C6orf132: variants seen among roughly 807,000 people sequenced by gnomAD.
The protein encoded by C6orf132 is chromosome 6 open reading frame 132.
Under a neutral mutation model 65.3 loss-of-function variants are expected in C6orf132, and 43 were observed. The ratio of observed to expected loss-of-function variants is 0.66; its 90% CI spans 0.52 to 0.85. The LOEUF (loss-of-function observed/expected upper bound fraction) is 0.85, where lower values mean the gene tolerates loss of function less well. Ranked by LOEUF, C6orf132 falls within the 40% of genes least tolerant of loss-of-function variation. The pLI is 0.00. For synonymous variants in C6orf132, 631 were observed against 654.1 expected, an observed-to-expected ratio of 0.96 and a Z score of 0.54; for missense variants, 1,488 against 1,548.8, an observed-to-expected ratio of 0.96 and a Z score of 0.66.
chr6:42,110,413 C>T (rs1018672343), intron 2 of C6orf132, 122 bp from the exon 3 acceptor site: 2 of 687,148 alleles, frequency 2.9e-6, no homozygotes, highest in African/African-American at 1.8e-5. Flanking sequence ...GTTGCATAAC[C>T]TTGTGCATAT....
chr6:42,119,510 C>T (rs1766646137), intron 2 of C6orf132, among the ~76,000 whole-genome samples: 1 of 151,246 alleles, frequency 6.6e-6, no homozygotes, highest in African/African-American at 2.4e-5. Flanking sequence ...ACACCTGGCT[C>T]ATTTTTTTGT....
In C6orf132 at chr6:42,124,629, G is replaced by C. The variant is rs767785778; in HGVS notation, c.252+4043C>G. On this transcript the variant is annotated intron_variant, in intron 2 of 4. Transcript: ENST00000341865. This position sits in a 1 kb window ranked among gnomAD's most constrained non-coding sequence, Gnocchi z 4.0. ...ACAGTGTCAGGCAGGGCTAGGCACC[G>C]GCCCAGCTCCCCACCCACCCTGACT... 6.6e-6 allele frequency among the ~76,000 whole-genome samples: 1 copy of C among 152,290 alleles called. No homozygotes were observed. Among genetic ancestry groups the C allele is most frequent in the South Asian group, 2.1e-4 (1 of 4,828 alleles).
Position 42,123,255 on chromosome 6 carries a change from C to T in C6orf132, c.252+5417G>A, listed in dbSNP as rs1364238470. Among the ~76,000 whole-genome samples, 6 of 151,998 alleles carry T rather than the reference C, an allele frequency of 3.9e-5. No individual in the cohort carries two copies. In the South Asian group the frequency reaches 1.0e-3, roughly 26 times the overall value. On this transcript the variant is annotated intron_variant, in intron 2 of 4. Coordinates refer to ENST00000341865, the MANE Select transcript of C6orf132 (RefSeq NM_001164446.3). ...AAAATTAGCCGGGCGTGGTGGCAGA[C>T]GCCTGTAGTCTCAGCTACTCGGGAG...
intron 1 of C6orf132, among the ~76,000 whole-genome samples, chr6:42,132,254 A>G (rs1183095576): frequency 6.6e-6 from 1 of 152,154 alleles, no homozygotes; most frequent in Non-Finnish European, 1.5e-5. Flanking sequence ...GGGGGCTCAC[A>G]CCTGTAATCC....
At chr6:42,108,769 G>T (rs888376280) in intron 3 of C6orf132, among the ~76,000 whole-genome samples, 5 of 152,114 alleles carry the variant, frequency 3.3e-5, no homozygotes, top group African/African-American at 1.2e-4. Flanking sequence ...CTCTCCCAGA[G>T]TCTACTTCCT....
At chr6:42,139,195 C>T (rs992348049) in intron 1 of C6orf132, among the ~76,000 whole-genome samples, 11 of 152,196 alleles carry the variant, frequency 7.2e-5, no homozygotes, top group African/African-American at 2.7e-4. Flanking sequence ...TGGATATCGC[C>T]AGCATCTCAC....
Position 42,142,343 on chromosome 6 carries a change from C to G in C6orf132, c.102G>C (p.Trp34Cys). Reference protein sequence around the residue: ...STSLYATNPPWIFTQEAPEEG... With the variant: ...STSLYATNPPCIFTQEAPEEG... ...CCTCCGGGGCCTCCTGGGTGAAGAT[C>G]CAGGGCGGATTGGTGGCGTAGAGGG... is the stretch of plus-strand genomic sequence containing the variant. Residue 34 changes from tryptophan (W) to cysteine (C), a missense_variant, in exon 1 of 5, where the codon TGG (tryptophan) becomes TGC (cysteine). Coordinates refer to ENST00000341865, the MANE Select transcript of C6orf132 (RefSeq NM_001164446.3). 2 of 1,551,422 alleles carry G rather than the reference C, an allele frequency of 1.3e-6. No homozygotes were observed. Among genetic ancestry groups the G allele is most frequent in the Non-Finnish European group, 1.7e-6 (2 of 1,146,856 alleles).
Position 42,107,018 on chromosome 6 carries a change from G to A in C6orf132, c.894C>T (p.Phe298=), listed in dbSNP as rs1472069562. 6 of 1,532,760 alleles carry A rather than the reference G, an allele frequency of 3.9e-6. No homozygotes were observed. The highest frequency in any genetic ancestry group is 1.2e-5 in the South Asian group (1 of 83,736). 94.9% of individuals were successfully genotyped at this position (1,532,760 alleles called of 1,614,324 possible). The change falls in exon 4 of 5, where the codon TTC becomes TTT. Residue 298 remains phenylalanine, a synonymous_variant. Coordinates refer to ENST00000341865, the MANE Select transcript of C6orf132 (RefSeq NM_001164446.3). Reference sequence around the variant, plus strand: ...GGGGAGGCACTTTGAAAGAACGGGGGAAGGTGAGATGGGGCTCTGGGTTAG... The same window carrying A: ...GGGGAGGCACTTTGAAAGAACGGGGAAAGGTGAGATGGGGCTCTGGGTTAG... ...LGPNPEPHLT[F]PRSFKVPPPT... is the part of the protein sequence containing the mutation.
chr6:42,106,322 CTT>C lies in C6orf132; in HGVS notation c.1588_1589del (p.Lys530GlufsTer39). The C allele has an allele frequency of 6.5e-7, 1 of 1,536,724 alleles. No individual in the cohort carries two copies. On this transcript the variant is annotated frameshift_variant, in exon 4 of 5. Transcript: ENST00000341865. LOFTEE classifies it high-confidence loss of function. ...CTGTCAGGCTGCTGCCGCCAAGACTCTTTTCAGGAACACCTGGGGGAGTGTCC... is the reference window on the plus strand; with the variant it reads ...CTGTCAGGCTGCTGCCGCCAAGACTCTTCAGGAACACCTGGGGGAGTGTCC... ...AKDTPPGVPEKSLGGSSLTET... is the reference protein window; with the variant it reads ...AKDTPPGVPEXSLGGSSLTET...
At position 42,102,252 on chromosome 6, in the gene C6orf132, G is replaced by C. The variant is rs1357843011; in HGVS notation, c.*1509C>G. The stretch of plus-strand genomic sequence containing the variant: ...TTTTTTTTTTTTTTTTTTTTGAGAC[G>C]AGTCTCGCTCTGTCGCCAGGCTGGA... On this transcript the variant is annotated 3_prime_UTR_variant, in exon 5 of 5. Transcript: ENST00000341865. 1 of 107,750 alleles carries C rather than the reference G, an allele frequency of 9.3e-6. No individual in the cohort carries two copies. The highest frequency in any genetic ancestry group is 1.8e-5 in the Non-Finnish European group (1 of 56,956). The allele number at this position is 107,750 out of a possible 1,614,324, so 6.7% of individuals were successfully genotyped here.
chr6:42,104,149 T>A lies in C6orf132; in HGVS notation c.3450-271A>T, dbSNP rs186915046. ...GCCTGTGTCGGGATCCAACTCTGTG[T>A]TGGGAAATCCCTCCACCCAAGGGCC... On this transcript the variant is annotated intron_variant, in intron 4 of 4. Coordinates refer to ENST00000341865, the MANE Select transcript of C6orf132 (RefSeq NM_001164446.3). This position sits in a 1 kb window ranked among gnomAD's most constrained non-coding sequence, Gnocchi z 4.1. Among the ~76,000 whole-genome samples, 228 of 152,276 alleles carry A rather than the reference T, an allele frequency of 1.5e-3. No individual in the cohort carries two copies. The highest frequency in any genetic ancestry group is 4.5e-3 in the African/African-American group (186 of 41,554).
At chr6:42,108,049 C>T (rs773462182) in intron 3 of C6orf132, among the ~76,000 whole-genome samples, 30 of 152,198 alleles carry the variant, frequency 2.0e-4, no homozygotes, top group Non-Finnish European at 4.0e-4. Context: ...TCACTGTCCC[C>T]AGGAGACAAG....
chr6:42,103,822 G>A lies in C6orf132; in HGVS notation c.3506C>T (p.Pro1169Leu). Residue 1169 changes from proline (P) to leucine (L), a missense_variant, in exon 5 of 5, where the codon CCT becomes CTT. By Grantham distance (98) the Pro-to-Leu change is moderately conservative. Coordinates refer to ENST00000341865, the MANE Select transcript of C6orf132 (RefSeq NM_001164446.3). ...GSPINTFTVRPGTRHPISYVC... is the reference protein window; with the variant it reads ...GSPINTFTVRLGTRHPISYVC... The stretch of plus-strand genomic sequence containing the variant: ...ATAGGAGATGGGATGGCGGGTCCCA[G>A]GCCTCACGGTGAACGTGTTGATGGG... 1 of 1,492,250 alleles carries A rather than the reference G, an allele frequency of 6.7e-7. No homozygotes were observed. Among genetic ancestry groups the A allele is most frequent in the Non-Finnish European group, 8.9e-7 (1 of 1,123,570 alleles). 92.4% of individuals were successfully genotyped at this position (1,492,250 alleles called of 1,614,324 possible). A position where few individuals can be genotyped will look rare whatever the true frequency, so the allele number is the denominator to read the frequency against.
rs7772762 is a variant in C6orf132, at chr6:42,136,350, G to A, written c.145+5950C>T. Among the ~76,000 whole-genome samples the A allele has an allele frequency of 9.0e-3, 1,372 of 152,218 alleles. 16 individuals carry two copies. Among genetic ancestry groups the A allele is most frequent in the African/African-American group, 0.029 (1,208 of 41,498 alleles). ...ATCAGGAGAGGGAAGGAAGCTAGCC[G>A]GAGTGAGAGGAGGGCTGGGGCCCCA... On this transcript the variant is annotated intron_variant, in intron 1 of 4. Transcript: ENST00000341865.
rs189810337 is a variant in C6orf132, at chr6:42,124,803, G to A, written c.252+3869C>T. Among the ~76,000 whole-genome samples, 1 of 152,348 alleles carries A rather than the reference G, an allele frequency of 6.6e-6. No homozygotes were observed. The highest frequency in any genetic ancestry group is 2.4e-5 in the African/African-American group (1 of 41,586). On this transcript the variant is annotated intron_variant, in intron 2 of 4. Coordinates refer to ENST00000341865, the MANE Select transcript of C6orf132 (RefSeq NM_001164446.3). The surrounding 1 kb of genome is among the most constrained non-coding windows in gnomAD (Gnocchi z 4.0). The stretch of plus-strand genomic sequence containing the variant: ...GGACCTGGCTAGGGCCTACAGGAGA[G>A]GAGTCAGAAGCTCAGACAGGAGAGA...
rs1428388369 is a variant in C6orf132 at position 42,104,600 on chromosome 6, C to T, written c.3312G>A (p.Val1104=). 4.5e-6 allele frequency: 6 copies of T among 1,343,144 alleles called. No individual in the cohort carries two copies. The highest frequency in any genetic ancestry group is 5.7e-6 in the Non-Finnish European group (6 of 1,053,030). The allele number at this position is 1,343,144 out of a possible 1,614,324, so 83.2% of individuals were successfully genotyped here. A position where few individuals can be genotyped will look rare whatever the true frequency, so the allele number is the denominator to read the frequency against. ...PQPGGPEMRR[V]NSAGRAPPGG... is the part of the protein sequence containing the mutation. ...CGGGGGGCGCGCGACCCGCCGAGTT[C>T]ACGCGCCGCATCTCGGGGCCTCCGG... Residue 1104 remains valine (V), a synonymous_variant, in exon 4 of 5, where the codon GTG becomes GTA. Coordinates refer to ENST00000341865, the MANE Select transcript of C6orf132 (RefSeq NM_001164446.3). This position sits in a 1 kb window ranked among gnomAD's most constrained non-coding sequence, Gnocchi z 4.1.
chr6:42,106,053 G>A lies in C6orf132; in HGVS notation c.1859C>T (p.Pro620Leu). 6.5e-7 allele frequency: 1 copy of A among 1,537,222 alleles called. No homozygotes were observed. The highest frequency in any genetic ancestry group is 8.7e-7 in the Non-Finnish European group (1 of 1,146,898). ...AGTTGGCAGCAGGGTGGTGGATTGAGGTGGCAGATTCTTGGCCACAGGCTT... is the reference window on the plus strand; with the variant it reads ...AGTTGGCAGCAGGGTGGTGGATTGAAGTGGCAGATTCTTGGCCACAGGCTT... The part of the protein sequence containing the change: ...LSKPVAKNLP[P>L]QSTTLLPTTS... Residue 620 changes from proline to leucine, a missense_variant, in exon 4 of 5, where the codon CCT (proline) becomes CTT (leucine). Transcript: ENST00000341865.
chr6:42,115,408 A>G (rs1247428068), intron 2 of C6orf132, among the ~76,000 whole-genome samples: 2 of 151,970 alleles, frequency 1.3e-5, no homozygotes, highest in Non-Finnish European at 2.9e-5. Flanking sequence ...GCACTTTGGG[A>G]GGCTGAGGCG....
rs1766334354 is a variant in C6orf132, at chr6:42,103,671, C to T, written c.*90G>A. 1.2e-6 allele frequency: 1 copy of T among 813,914 alleles called. No homozygotes were observed. Among genetic ancestry groups the T allele is most frequent in the Admixed American group, 4.2e-5 (1 of 23,828 alleles). The allele number at this position is 813,914 out of a possible 1,614,324, so 50.4% of individuals were successfully genotyped here. A position where few individuals can be genotyped will look rare whatever the true frequency, so the allele number is the denominator to read the frequency against. On this transcript the variant is annotated 3_prime_UTR_variant, in exon 5 of 5. Transcript: ENST00000341865. ...GTGTCTGAGTCAGGTCGCCCAACAC[C>T]TGCTGTGTACCTCCCACCCCCCACA...
Sources: gnomAD v4.1 joint callset for allele counts (sites outside exome capture counted in the v4.1 genomes callset) on GRCh38, gnomAD v4.1.1 for gene constraint, Gnocchi (gnomAD v3.1) non-coding constraint, MANE v1.5 for transcripts, NCBI Gene and HGNC (gene_info 2026-07-23, HGNC 2026-07-21) for gene names.